Variants in POLD2 observed in about 807,000 individuals in gnomAD.
POLD2 encodes DNA polymerase delta subunit 2.
Under a neutral mutation model 48.8 loss-of-function variants are expected in POLD2, and 31 were observed. That is an observed-to-expected ratio of 0.64 (90% confidence interval 0.48 to 0.86). The LOEUF is 0.86. POLD2 is among the 40% of genes least tolerant of loss of function. The pLI is 0.00. For synonymous variants in POLD2, 233 were observed against 256.3 expected (o/e 0.91, Z 0.87); for missense variants, 455 against 610.1 (o/e 0.75, Z 2.68).
chr7:44,115,639 G>T (rs764210992), intron 9 of POLD2, 127 bp downstream of exon 9: 2 of 1,113,452 alleles, frequency 1.8e-6, no homozygotes, highest in Non-Finnish European at 2.5e-6. Context: ...CCAAGCCTCT[G>T]AACTTCTCCT....
chr7:44,116,579 C>A lies in POLD2; in HGVS notation c.781-69G>T. The A allele has an allele frequency of 7.8e-7, 1 of 1,282,446 alleles. No individual in the cohort carries two copies. The highest frequency in any genetic ancestry group is 1.5e-5 in the African/African-American group (1 of 67,780). 79.4% of individuals were successfully genotyped at this position (1,282,446 alleles called of 1,614,324 possible). ...AGGCTCAGAGGAGAGTAGAGCCCCA[C>A]CAGCTGGAAGATGCAGTTGTTGTCC... is the stretch of plus-strand genomic sequence containing the variant. On this transcript the variant is annotated intron_variant, in intron 6 of 10. Transcript: ENST00000610533. The surrounding 1 kb of genome is among the most constrained non-coding windows in gnomAD (Gnocchi z 6.1).
Position 44,121,822 on chromosome 7 carries a change from A to G in POLD2, c.220+12T>C. The G allele has an allele frequency of 3.7e-6, 6 of 1,606,868 alleles. No individual in the cohort carries two copies. The highest frequency in any genetic ancestry group is 5.1e-6 in the Non-Finnish European group (6 of 1,175,646). ...TGCTGTGGGGGAAGCACCTTCCCAA[A>G]CTCTCACTTACCCCAGTGCTGCTGG... On this transcript the variant is annotated intron_variant, in intron 2 of 10. Transcript: ENST00000610533. The surrounding 1 kb of genome is among the most constrained non-coding windows in gnomAD (Gnocchi z 4.5).
At chr7:44,117,270 C>G (rs756297455) in intron 4 of POLD2, 23 bp from the exon 5 acceptor site, 5 of 1,571,020 alleles carry the variant, frequency 3.2e-6, no homozygotes, top group Non-Finnish European at 4.4e-6. Flanking sequence ...GGCATCAGGC[C>G]TGAGCAGGGA....
At chr7:44,115,435 C>G in intron 9 of POLD2, 39 bp from the exon 10 acceptor site, 2 of 1,241,314 alleles carry the variant, frequency 1.6e-6, no homozygotes, top group Non-Finnish European at 2.4e-6. Flanking sequence ...GGTTCCGCCT[C>G]AGCACTAGCA....
At position 44,116,397 on chromosome 7, in the gene POLD2, C is replaced by T. The variant is rs761828243; in HGVS notation, c.861+33G>A. The stretch of plus-strand genomic sequence containing the variant: ...CAGTGGCAGCTTTGAAGACTGCAAT[C>T]CCCATCACCCCTCCAGCCCCCAGCT... On this transcript the variant is annotated intron_variant, in intron 7 of 10. Transcript: ENST00000610533. This position sits in a 1 kb window ranked among gnomAD's most constrained non-coding sequence, Gnocchi z 6.1. The T allele has an allele frequency of 3.4e-5, 54 of 1,573,730 alleles. 3 individuals are homozygous for T. In the South Asian group the frequency reaches 6.2e-4, roughly 18 times the overall value.
chr7:44,114,684 G>C lies in POLD2; in HGVS notation c.*101C>G, dbSNP rs1013965671. On this transcript the variant is annotated 3_prime_UTR_variant, in exon 11 of 11. Transcript: ENST00000610533. ...CATAGCCAGAGTGCCCAGGGCTCAA[G>C]GCTCGCATCAGCAAGTGCTCAGGCT... The C allele has an allele frequency of 2.6e-5, 33 of 1,282,576 alleles. No individual in the cohort carries two copies. The highest frequency in any genetic ancestry group is 7.1e-5 in the South Asian group (5 of 70,272). The allele number at this position is 1,282,576 out of a possible 1,614,324, so 79.4% of individuals were successfully genotyped here. A position where few individuals can be genotyped will look rare whatever the true frequency, so the allele number is the denominator to read the frequency against.
At position 44,114,965 on chromosome 7, in the gene POLD2, G is replaced by A. The variant is rs747141598; in HGVS notation, c.1250-20C>T. Reference sequence around the variant, plus strand: ...CAGGACCTGCAAAGAAGTCACATAGGACCCACTGTAGGTTCCAAGTAAGTC... The same window carrying A: ...CAGGACCTGCAAAGAAGTCACATAGAACCCACTGTAGGTTCCAAGTAAGTC... On this transcript the variant is annotated intron_variant, in intron 10 of 10. Transcript: ENST00000610533. 1.3e-6 allele frequency: 2 copies of A among 1,589,102 alleles called. No individual in the cohort carries two copies. Among genetic ancestry groups the A allele is most frequent in the South Asian group, 2.2e-5 (2 of 89,320 alleles).
chr7:44,116,001 T>A lies in POLD2; in HGVS notation c.1020-108A>T. The A allele has an allele frequency of 6.3e-7, 1 of 1,596,018 alleles. No individual in the cohort carries two copies. The highest frequency in any genetic ancestry group is 8.6e-7 in the Non-Finnish European group (1 of 1,166,070). On this transcript the variant is annotated intron_variant, in intron 8 of 10. Transcript: ENST00000610533. The surrounding 1 kb of genome is among the most constrained non-coding windows in gnomAD (Gnocchi z 6.1). ...GGATGCCCCAGAGAGAAGGAACAGA[T>A]GCTAGGTGGGCCTCTGCAGCCCTGC...
chr7:44,118,641 T>C (rs1212150641), intron 2 of POLD2, among the ~76,000 whole-genome samples: 1 of 151,968 alleles, frequency 6.6e-6, no homozygotes. Context: ...GCCTCCCGAG[T>C]AGCTGGGACT....
intron 4 of POLD2, 136 bp from the exon 5 acceptor site, chr7:44,117,383 C>T: frequency 1.4e-6 from 1 of 737,142 alleles, no homozygotes. Context: ...AGGATGCATG[C>T]CTGCTTCCTG....
At position 44,116,713 on chromosome 7, in the gene POLD2, C is replaced by A. The variant is rs2096240303; in HGVS notation, c.780+104G>T. On this transcript the variant is annotated intron_variant, in intron 6 of 10. Coordinates refer to ENST00000610533, the MANE Select transcript of POLD2 (RefSeq NM_006230.4). This position sits in a 1 kb window ranked among gnomAD's most constrained non-coding sequence, Gnocchi z 6.1. Reference sequence around the variant, plus strand: ...GTCACTGCAGGGCGCTTCCCACCGACCTGCGAGACCTCACAGGGTACCCTA... The same window carrying A: ...GTCACTGCAGGGCGCTTCCCACCGAACTGCGAGACCTCACAGGGTACCCTA... 2 of 1,301,930 alleles carry A rather than the reference C, an allele frequency of 1.5e-6. No homozygotes were observed. The highest frequency in any genetic ancestry group is 1.9e-5 in the Admixed American group (1 of 52,564). The allele number at this position is 1,301,930 out of a possible 1,614,324, so 80.6% of individuals were successfully genotyped here. A position where few individuals can be genotyped will look rare whatever the true frequency, so the allele number is the denominator to read the frequency against.
Position 44,116,932 on chromosome 7 carries a change from ACCACAT to A in POLD2, c.659_664del (p.Asp220_Val221del). ...CCCTTCGTCCCCAAGCTGCCCCGTC[ACCACAT>A]CCACCAGCAGCTGGGTGCCCAGCAG... On this transcript the variant is annotated inframe_deletion, in exon 6 of 11. Coordinates refer to ENST00000610533, the MANE Select transcript of POLD2 (RefSeq NM_006230.4). The surrounding 1 kb of genome is among the most constrained non-coding windows in gnomAD (Gnocchi z 6.1). 1 of 1,613,826 alleles carries A rather than the reference ACCACAT, an allele frequency of 6.2e-7. No homozygotes were observed. The highest frequency in any genetic ancestry group is 2.2e-5 in the East Asian group (1 of 44,862).
chr7:44,123,430 C>A, intron 1 of POLD2, 81 bp downstream of exon 1: 1 of 1,481,402 alleles, frequency 6.8e-7, no homozygotes, highest in Non-Finnish European at 8.9e-7. Flanking sequence ...GCCAAGACAC[C>A]AGCCCACCGA....
Position 44,114,950 on chromosome 7 carries a change from A to G in POLD2, c.1250-5T>C, listed in dbSNP as rs1425849491. The G allele has an allele frequency of 6.2e-7, 1 of 1,600,204 alleles. No homozygotes were observed. Among genetic ancestry groups the G allele is most frequent in the South Asian group, 1.1e-5 (1 of 90,328 alleles). On this transcript the variant is annotated splice_region_variant and splice_polypyrimidine_tract_variant and intron_variant, in intron 10 of 10. Transcript: ENST00000610533. ...GCACTGTCTGGTCCTCAGGACCTGC[A>G]AAGAAGTCACATAGGACCCACTGTA...
chr7:44,118,809 G>A (rs1476976969), intron 2 of POLD2, among the ~76,000 whole-genome samples: 2 of 152,010 alleles, frequency 1.3e-5, no homozygotes, highest in African/African-American at 2.4e-5. Context: ...GTGAGCCACC[G>A]TGCCCGGCCA....
intron 4 of POLD2, 144 bp from the exon 5 acceptor site, chr7:44,117,391 C>T: frequency 1.4e-6 from 1 of 722,064 alleles, no homozygotes; most frequent in Non-Finnish European, 2.4e-6. Flanking sequence ...TGCCTGCTTC[C>T]TGGAGTCACT....
intron 1 of POLD2, 127 bp downstream of exon 1, chr7:44,123,384 C>A (rs2096250959): frequency 7.0e-7 from 1 of 1,419,952 alleles, no homozygotes. Context: ...CGGCGGGTGC[C>A]CCGGCTCGGA....
chr7:44,116,080 G>C lies in POLD2; in HGVS notation c.1019+35C>G. ...TTCTTTGTGCCTCCTGAGGCAAAAGGCTGGGTCAGACTGAAGTGTGGCTGT... is the reference window on the plus strand; with the variant it reads ...TTCTTTGTGCCTCCTGAGGCAAAAGCCTGGGTCAGACTGAAGTGTGGCTGT... On this transcript the variant is annotated intron_variant, in intron 8 of 10. Transcript: ENST00000610533. The surrounding 1 kb of genome is among the most constrained non-coding windows in gnomAD (Gnocchi z 6.1). The C allele has an allele frequency of 6.2e-7, 1 of 1,613,010 alleles. No individual in the cohort carries two copies. The highest frequency in any genetic ancestry group is 8.5e-7 in the Non-Finnish European group (1 of 1,179,720).
In POLD2 at chr7:44,118,303, C is replaced by T. The variant is rs894904063; in HGVS notation, c.221-239G>A. On this transcript the variant is annotated intron_variant, in intron 2 of 10. Coordinates refer to ENST00000610533, the MANE Select transcript of POLD2 (RefSeq NM_006230.4). ...TGGATGCCAAGTGTCCTCATGAGAA[C>T]AGAGAGACAGACACACAGACAAGAG... is the stretch of plus-strand genomic sequence containing the variant. 3 of 439,380 alleles carry T rather than the reference C, an allele frequency of 6.8e-6. No individual in the cohort carries two copies. The Admixed American group carries it at 1.2e-4, about 17-fold the overall frequency. 27.2% of individuals were successfully genotyped at this position (439,380 alleles called of 1,614,324 possible). A position where few individuals can be genotyped will look rare whatever the true frequency, so the allele number is the denominator to read the frequency against.
Sources: allele counts gnomAD v4.1 joint callset (sites outside exome capture counted in the v4.1 genomes callset), GRCh38; gene constraint gnomAD v4.1.1; non-coding constraint Gnocchi (gnomAD v3.1); transcripts MANE v1.5; gene names NCBI Gene and HGNC (gene_info 2026-07-23, HGNC 2026-07-21).